PTAFR: variants seen among roughly 807,000 people sequenced by gnomAD.
The protein encoded by PTAFR is platelet activating factor receptor.
PTAFR carries 8 observed loss-of-function variants against 14.7 expected under a neutral mutation model. That is an observed-to-expected ratio of 0.54 (90% CI 0.32 to 0.98). The LOEUF (loss-of-function observed/expected upper bound fraction) is 0.98. PTAFR is among the 50% of genes least tolerant of loss of function. The pLI is 0.04. For missense variants in PTAFR, 337 were observed against 451.2 expected (o/e 0.75, Z 2.29); for synonymous variants, 156 against 176.5 (o/e 0.88, Z 0.92).
rs187106716 is a variant in PTAFR, at chr1:28,150,538, G to C, written c.484C>G (p.Pro162Ala). The change falls in exon 2 of 2, where the codon CCC becomes GCC. Residue 162 changes from proline to alanine, a missense_variant. Coordinates refer to ENST00000373857, the MANE Select transcript of PTAFR (RefSeq NM_000952.5). This position sits in a 1 kb window ranked among gnomAD's most constrained non-coding sequence, Gnocchi z 6.3. ...FLILDSTNTV[P>A]DSAGSGNVTR... ...ACGTTGCCTGAGCCAGCACTGTCGG[G>C]CACTGTGTTGGTGGAGTCCAGGATG... is the stretch of plus-strand genomic sequence containing the variant. 6.2e-7 allele frequency: 1 copy of C among 1,614,202 alleles called. No individual in the cohort carries two copies.
At chr1:28,174,821 T>G (rs2149003344) in intron 1 of PTAFR, among the ~76,000 whole-genome samples, 1 of 152,318 alleles carries the variant, frequency 6.6e-6, no homozygotes, top group African/African-American at 2.4e-5. Flanking sequence ...TAGAGGGAAT[T>G]CATCAGTCCC....
Position 28,148,151 on chromosome 1 carries a change from C to T in PTAFR, c.*1842G>A, listed in dbSNP as rs1646136791. 1 of 152,196 alleles carries T rather than the reference C, an allele frequency of 6.6e-6. No homozygotes were observed. The highest frequency in any genetic ancestry group is 6.5e-5 in the Admixed American group (1 of 15,282). The allele number at this position is 152,196 out of a possible 1,614,324, so 9.4% of individuals were successfully genotyped here. A position where few individuals can be genotyped will look rare whatever the true frequency, so the allele number is the denominator to read the frequency against. On this transcript the variant is annotated 3_prime_UTR_variant, in exon 2 of 2. Transcript: ENST00000373857. ...AACCAGAGAAGTTTCCTCTGAGCCC[C>T]TTGGGTCTGAGGCTGCCAGGTTCAC... is the stretch of plus-strand genomic sequence containing the variant.
intron 1 of PTAFR, among the ~76,000 whole-genome samples, chr1:28,169,999 C>CAAAAA (rs55770214): frequency 1.6e-5 from 2 of 123,000 alleles, no homozygotes; most frequent in Admixed American, 8.6e-5. Flanking sequence ...GACTCCATCT[C>CAAAAA]AAAAAAAAAA....
chr1:28,174,693 C>T (rs986872728), intron 1 of PTAFR, among the ~76,000 whole-genome samples: 1 of 152,208 alleles, frequency 6.6e-6, no homozygotes, highest in African/African-American at 2.4e-5. Flanking sequence ...CTGTCCTGTG[C>T]ATATTCTAAG....
At position 28,192,867 on chromosome 1, in the gene PTAFR, G is replaced by A. The variant is rs1055073355; in HGVS notation, c.-39+855C>T. Among the ~76,000 whole-genome samples, 21 of 152,186 alleles carry A rather than the reference G, an allele frequency of 1.4e-4. No homozygotes were observed. The South Asian group carries it at 1.7e-3, about 12-fold the overall frequency. ...TCACCATGTTGGCCGGGCTGGTCTCGAACTCCCGACCTCAGGTGATCCACC... is the reference window on the plus strand; with the variant it reads ...TCACCATGTTGGCCGGGCTGGTCTCAAACTCCCGACCTCAGGTGATCCACC... On this transcript the variant is annotated intron_variant, in intron 1 of 1. Coordinates refer to the PTAFR transcript ENST00000305392.
intron 1 of PTAFR, among the ~76,000 whole-genome samples, chr1:28,186,146 T>TTTTTG (rs1447478339): frequency 5.9e-5 from 9 of 151,998 alleles, no homozygotes; most frequent in Non-Finnish European, 1.3e-4. Flanking sequence ...TCGGCTAATT[T>TTTTTG]TTTTGTTTTG....
chr1:28,169,533 G>A (rs2149000717), intron 1 of PTAFR, among the ~76,000 whole-genome samples: 1 of 152,276 alleles, frequency 6.6e-6, no homozygotes, highest in South Asian at 2.1e-4. Context: ...GTCAGACTCT[G>A]TAGTCAGACA....
chr1:28,171,816 TGG>T (rs776362638), intron 1 of PTAFR, among the ~76,000 whole-genome samples: 1 of 152,070 alleles, frequency 6.6e-6, no homozygotes, highest in Non-Finnish European at 1.5e-5. Context: ...TCTGCTCAGT[TGG>T]CCTAGGAAAC....
intron 1 of PTAFR, among the ~76,000 whole-genome samples, chr1:28,159,807 C>T (rs1210212678): frequency 6.7e-6 from 1 of 150,044 alleles, no homozygotes; most frequent in African/African-American, 2.5e-5. Flanking sequence ...GCCTGAGCAA[C>T]GAGAACGAAA....
upstream of PTAFR, among the ~76,000 whole-genome samples, chr1:28,177,635 C>G (rs1363864397): frequency 6.6e-6 from 1 of 152,164 alleles, no homozygotes; most frequent in Non-Finnish European, 1.5e-5. Context: ...ATATTCTGGA[C>G]TTGGTTGATT....
chr1:28,174,124 C>CTGTCA (rs1646485874), intron 1 of PTAFR, among the ~76,000 whole-genome samples: 2 of 152,178 alleles, frequency 1.3e-5, no homozygotes, highest in African/African-American at 2.4e-5. Context: ...TCTCATCATG[C>CTGTCA]TGTCAAGGAG....
At chr1:28,181,674 G>A (rs189352369), upstream of PTAFR, among the ~76,000 whole-genome samples, 34 of 151,978 alleles carry the variant, frequency 2.2e-4, no homozygotes, top group African/African-American at 7.2e-4. Flanking sequence ...CCTGGGAGGC[G>A]GAGGTTGCGG....
At chr1:28,183,930 GGATAGATAGATA>G (rs984971797) in intron 1 of PTAFR, among the ~76,000 whole-genome samples, 1 of 151,736 alleles carries the variant, frequency 6.6e-6, no homozygotes, top group African/African-American at 2.4e-5. Context: ...AATGATGGAT[GGATAGATAGATA>G]GATAGATGAT....
chr1:28,162,893 G>A (rs1443395066), intron 1 of PTAFR, among the ~76,000 whole-genome samples: 5 of 146,414 alleles, frequency 3.4e-5, no homozygotes, highest in East Asian at 4.1e-4. Flanking sequence ...ATTCGTGCAC[G>A]CACCGAAATC....
At chr1:28,165,377 C>A (rs1446926725) in intron 1 of PTAFR, among the ~76,000 whole-genome samples, 1 of 122,884 alleles carries the variant, frequency 8.1e-6, no homozygotes, top group Non-Finnish European at 1.6e-5. Flanking sequence ...GCACTCCAGC[C>A]TGGGCGACAG....
chr1:28,163,253 T>C (rs1408384422), intron 1 of PTAFR, among the ~76,000 whole-genome samples: 1 of 152,196 alleles, frequency 6.6e-6, no homozygotes, highest in African/African-American at 2.4e-5. Flanking sequence ...CCCTATGCAC[T>C]GGGCGCATTC....
Position 28,151,007 on chromosome 1 carries a change from G to A in PTAFR, c.15C>T (p.Asp5=), listed in dbSNP as rs1399534556. The A allele has an allele frequency of 3.1e-6, 5 of 1,592,050 alleles. No homozygotes were observed. Among genetic ancestry groups the A allele is most frequent in the East Asian group, 2.2e-5 (1 of 44,694 alleles). Residue 5 remains aspartate (D), a synonymous_variant, in exon 2 of 2, where the codon GAC becomes GAT. Transcript: ENST00000373857. MEPH[D]SSHMDSEFRY... ...GGAACTCAGAGTCCATGTGGGAGGA[G>A]TCATGTGGCTCCATTGCTGTGGGCT... is the stretch of plus-strand genomic sequence containing the variant.
At chr1:28,190,678 C>G (rs777598874) in intron 1 of PTAFR, among the ~76,000 whole-genome samples, 1 of 152,088 alleles carries the variant, frequency 6.6e-6, no homozygotes, top group South Asian at 2.1e-4. Context: ...GAAAGAGTCA[C>G]GGGAGGAAGG....
At position 28,150,466 on chromosome 1, in the gene PTAFR, T is replaced by C. The variant is rs760865800; in HGVS notation, c.556A>G (p.Ile186Val). Residue 186 changes from isoleucine to valine, a missense_variant, in exon 2 of 2, where the codon ATC becomes GTC. By Grantham distance (29) the Ile-to-Val change is conservative. Coordinates refer to ENST00000373857, the MANE Select transcript of PTAFR (RefSeq NM_000952.5). This position sits in a 1 kb window ranked among gnomAD's most constrained non-coding sequence, Gnocchi z 6.3. ...CTGAACACGATGAAGATGTGGATGA[T>C]GAGGACTGGCACGCTGCCCTTCTCG... ...HYEKGSVPVL[I>V]IHIFIVFSFF... 1.2e-6 allele frequency: 2 copies of C among 1,614,196 alleles called. No homozygotes were observed. Among genetic ancestry groups the C allele is most frequent in the Admixed American group, 1.7e-5 (1 of 60,016 alleles).
Sources: gnomAD v4.1 joint callset for allele counts (sites outside exome capture counted in the v4.1 genomes callset) on GRCh38, gnomAD v4.1.1 for gene constraint, Gnocchi (gnomAD v3.1) non-coding constraint, MANE v1.5 for transcripts, NCBI Gene and HGNC (gene_info 2026-07-23, HGNC 2026-07-21) for gene names.